LRPPRC: variants seen among roughly 807,000 people sequenced by gnomAD.
LRPPRC encodes leucine rich pentatricopeptide repeat containing.
A neutral mutation model predicts 180.3 loss-of-function variants in LRPPRC; 120 were observed. The ratio of observed to expected loss-of-function variants is 0.67; its 90% confidence interval spans 0.57 to 0.77. The LOEUF (loss-of-function observed/expected upper bound fraction) is 0.77. Ranked by LOEUF, LRPPRC falls within the 30% of genes least tolerant of loss-of-function variation. The pLI is 0.00. For synonymous variants in LRPPRC, 723 were observed against 600.0 expected, an observed-to-expected ratio of 1.21 and a Z score of -3.00; for missense variants, 2,012 against 1,657.2, an observed-to-expected ratio of 1.21 and a Z score of -3.72.
At chr2:43,906,122 CTTTT>C (rs142657053) in intron 30 of LRPPRC, among the ~76,000 whole-genome samples, 1 of 149,790 alleles carries the variant, frequency 6.7e-6, no homozygotes, top group Non-Finnish European at 1.5e-5. Flanking sequence ...AAGCTGGATA[CTTTT>C]TTTTTTCTAC....
chr2:43,941,220 T>C (rs922714176), intron 23 of LRPPRC, among the ~76,000 whole-genome samples: 15 of 152,296 alleles, frequency 9.8e-5, no homozygotes, highest in Admixed American at 2.6e-4. Flanking sequence ...TTTTGTCCAA[T>C]GCTGGAAAAG....
intron 27 of LRPPRC, among the ~76,000 whole-genome samples, chr2:43,922,921 T>TA (rs1310208078): frequency 2.0e-5 from 3 of 152,122 alleles, no homozygotes; most frequent in Non-Finnish European, 4.4e-5. Context: ...GTAGGAAGTA[T>TA]ACAAATGTGG....
At position 43,888,041 on chromosome 2, in the gene LRPPRC, C is replaced by G. The variant is rs1670332807; in HGVS notation, c.*559G>C. ...GAGCCTCCAGGCATGACAGACAGTC[C>G]CCTGACCAAGCACAAGTAACAGGCC... On this transcript the variant is annotated 3_prime_UTR_variant, in exon 38 of 38. Transcript: ENST00000260665. 1 of 155,968 alleles carries G rather than the reference C, an allele frequency of 6.4e-6. No homozygotes were observed. Among genetic ancestry groups the G allele is most frequent in the African/African-American group, 2.4e-5 (1 of 41,428 alleles). 9.7% of individuals were successfully genotyped at this position (155,968 alleles called of 1,614,324 possible). A position where few individuals can be genotyped will look rare whatever the true frequency, so the allele number is the denominator to read the frequency against.
chr2:43,981,586 G>A (rs1185823072), intron 2 of LRPPRC, among the ~76,000 whole-genome samples: 1 of 151,606 alleles, frequency 6.6e-6, no homozygotes, highest in East Asian at 2.0e-4. Context: ...GAACCCGGGA[G>A]GCAGAGGTTG....
chr2:43,934,902 T>C (rs748573368), intron 23 of LRPPRC, 24 bp from the exon 24 acceptor site: 4 of 1,606,364 alleles, frequency 2.5e-6, no homozygotes, highest in Non-Finnish European at 2.6e-6. Flanking sequence ...AAATTAGCAA[T>C]GAATAAAATA....
At chr2:43,914,398 G>T (rs139647090) in intron 29 of LRPPRC, among the ~76,000 whole-genome samples, 1 of 151,890 alleles carries the variant, frequency 6.6e-6, no homozygotes, top group South Asian at 2.1e-4. Context: ...CTAAACATTC[G>T]AATCCTGAGA....
At chr2:43,977,297 G>A (rs776717337) in intron 3 of LRPPRC, 21 bp from the exon 4 acceptor site, 2 of 1,584,734 alleles carry the variant, frequency 1.3e-6, no homozygotes, top group South Asian at 1.1e-5. Flanking sequence ...AATTTAAAAT[G>A]AATTTTTAGA....
chr2:43,994,196 T>C (rs1468828955), intron 1 of LRPPRC, among the ~76,000 whole-genome samples: 1 of 152,220 alleles, frequency 6.6e-6, no homozygotes, highest in Non-Finnish European at 1.5e-5. Flanking sequence ...AGTTCTGTGC[T>C]CAGAGGCATG....
rs1673445296 is a variant in LRPPRC, at chr2:43,963,685, C to A, written c.1391G>T (p.Gly464Val). The A allele has an allele frequency of 6.3e-7, 1 of 1,588,792 alleles. No homozygotes were observed. Among genetic ancestry groups the A allele is most frequent in the African/African-American group, 1.3e-5 (1 of 74,324 alleles). The change falls in exon 12 of 38, where the codon GGA becomes GTA. Residue 464 changes from glycine (G) to valine (V), a missense_variant. Physicochemically the swap from Gly to Val is moderately radical, Grantham distance 109 (BLOSUM62 -3). Coordinates refer to ENST00000260665, the MANE Select transcript of LRPPRC (RefSeq NM_133259.4). ...AGGATGTACTCCCAATTCTTGCATT[C>A]CTTTGAGGATTTCAATTATACCTAC... ...NVQGIIEILKGMQELGVHPDQ... is the reference protein window; with the variant it reads ...NVQGIIEILKVMQELGVHPDQ...
At chr2:43,963,282 T>C (rs1436837807) in intron 12 of LRPPRC, among the ~76,000 whole-genome samples, 2 of 151,962 alleles carry the variant, frequency 1.3e-5, no homozygotes, top group African/African-American at 4.8e-5. Flanking sequence ...CTGTCTCTAC[T>C]AAAAATACAA....
At chr2:43,974,405 T>C (rs1455465819) in intron 8 of LRPPRC, 110 bp from the exon 9 acceptor site, 1 of 872,362 alleles carries the variant, frequency 1.1e-6, no homozygotes, top group Non-Finnish European at 1.9e-6. Context: ...ATCAAAAGCA[T>C]ATAACTGCCT....
intron 11 of LRPPRC, among the ~76,000 whole-genome samples, chr2:43,969,268 C>T (rs188356083): frequency 1.6e-4 from 24 of 152,096 alleles, no homozygotes; most frequent in East Asian, 1.2e-3. Context: ...AAAGATTAGC[C>T]GGGCGTGGTG....
At position 43,908,876 on chromosome 2, in the gene LRPPRC, G is replaced by A. The variant is rs549919287; in HGVS notation, c.3276-3096C>T. On this transcript the variant is annotated intron_variant, in intron 30 of 37. Transcript: ENST00000260665. ...AGGTTGACCAAGTGACCTTATATAG[G>A]AAACTGTAAAAACAGCTATTTATGG... is the stretch of plus-strand genomic sequence containing the variant. Among the ~76,000 whole-genome samples, 63 of 152,268 alleles carry A rather than the reference G, an allele frequency of 4.1e-4. No individual in the cohort carries two copies. The South Asian group carries it at 4.6e-3, about 11-fold the overall frequency.
At chr2:43,889,314 C>CAAAAAAAAAAAAAAAAAAA (rs780032604) in intron 37 of LRPPRC, among the ~76,000 whole-genome samples, 3 of 38,340 alleles carry the variant, frequency 7.8e-5, no homozygotes, top group Admixed American at 4.6e-4. Context: ...GACTCCATCT[C>CAAAAAAAAAAAAAAAAAAA]AAAAAAAAAA....
intron 23 of LRPPRC, among the ~76,000 whole-genome samples, chr2:43,938,185 A>T (rs1458527133): frequency 7.1e-6 from 1 of 141,454 alleles, no homozygotes; most frequent in Non-Finnish European, 1.5e-5. Context: ...ATTACCCTTT[A>T]TAAAAAAAAA....
In LRPPRC at chr2:43,993,719, T is replaced by C. The variant is rs1471350791; in HGVS notation, c.149+2080A>G. ...AACAAGACAAAGTCCTGCTCTCATATAGCTTACCTTCTACTAAAGAAAAAA... is the reference window on the plus strand; with the variant it reads ...AACAAGACAAAGTCCTGCTCTCATACAGCTTACCTTCTACTAAAGAAAAAA... On this transcript the variant is annotated intron_variant, in intron 1 of 37. Transcript: ENST00000260665. 4.2e-5 allele frequency among the ~76,000 whole-genome samples: 6 copies of C among 144,326 alleles called. No individual in the cohort carries two copies. In the East Asian group the frequency reaches 1.2e-3, roughly 28 times the overall value. 94.7% of individuals were successfully genotyped at this position (144,326 alleles called of 152,430 possible). A position where few individuals can be genotyped will look rare whatever the true frequency, so the allele number is the denominator to read the frequency against.
At chr2:43,915,309 C>G (rs573494461) in intron 29 of LRPPRC, among the ~76,000 whole-genome samples, 8 of 149,830 alleles carry the variant, frequency 5.3e-5, no homozygotes, top group African/African-American at 1.2e-4. Context: ...TAGTATTAAT[C>G]AAGCTTAATT....
intron 35 of LRPPRC, 133 bp from the exon 36 acceptor site, chr2:43,894,762 T>C (rs1296992508): frequency 2.6e-5 from 17 of 649,492 alleles, no homozygotes; most frequent in Non-Finnish European, 4.5e-5. Flanking sequence ...TAATGCACTA[T>C]TGTCCCTTGT....
chr2:43,936,359 T>C (rs1672277660), intron 23 of LRPPRC, among the ~76,000 whole-genome samples: 1 of 152,094 alleles, frequency 6.6e-6, no homozygotes, highest in Admixed American at 6.5e-5. Flanking sequence ...AATAAGAAAT[T>C]AACGATTTAT....
Sources: gnomAD v4.1 joint callset for allele counts (sites outside exome capture counted in the v4.1 genomes callset) on GRCh38, gnomAD v4.1.1 for gene constraint, MANE v1.5 for transcripts, NCBI Gene and HGNC (gene_info 2026-07-23, HGNC 2026-07-21) for gene names.